The following RIMS4 variants were observed in gnomAD, a reference collection of about 807,000 sequenced individuals.
RIMS4 encodes the protein regulating synaptic membrane exocytosis 4.
Under a neutral mutation model 29.0 loss-of-function variants are expected in RIMS4, and 9 were observed. The ratio of observed to expected loss-of-function variants is 0.31; its 90% CI spans 0.19 to 0.54. The LOEUF (loss-of-function observed/expected upper bound fraction) is 0.54. Among genes scored for constraint, RIMS4 ranks in the 20% least tolerant of loss-of-function variants. The pLI, the probability that RIMS4 is intolerant of heterozygous loss-of-function variation, is 0.94. For synonymous variants in RIMS4, 130 were observed against 152.9 expected (o/e 0.85, Z 1.10); for missense variants, 193 against 365.7 (o/e 0.53, Z 3.85).
chr20:44,801,737 C>A (rs1396990919), intron 1 of RIMS4, among the ~76,000 whole-genome samples: 1 of 152,100 alleles, frequency 6.6e-6, no homozygotes, highest in South Asian at 2.1e-4. Context: ...TGAGGGCCTA[C>A]GTGTTAAACC....
chr20:44,757,471 G>A (rs2062396398), intron 4 of RIMS4, among the ~76,000 whole-genome samples, 199 bp downstream of exon 4: 2 of 152,186 alleles, frequency 1.3e-5, no homozygotes, highest in South Asian at 4.1e-4. Context: ...TCCAGTGGAG[G>A]AGAGGAACAA....
At chr20:44,779,313 A>T (rs2066173724) in intron 1 of RIMS4, among the ~76,000 whole-genome samples, 2 of 152,238 alleles carry the variant, frequency 1.3e-5, no homozygotes, top group Non-Finnish European at 2.9e-5. Flanking sequence ...GTATACCTTG[A>T]TGACTATTAC....
At position 44,773,386 on chromosome 20, in the gene RIMS4, AC is replaced by A. The variant is rs560756511; in HGVS notation, c.98-1974del. Among the ~76,000 whole-genome samples, 444 of 151,920 alleles carry A rather than the reference AC, an allele frequency of 2.9e-3. 1 individual carries two copies. Among genetic ancestry groups the A allele is most frequent in the African/African-American group, 0.01 (427 of 41,426 alleles). ...GTACAGTGACACAGAGAAAGAAAGA[AC>A]CACTCACATGCACATTCAGAAACAG... On this transcript the variant is annotated intron_variant, in intron 1 of 5. Coordinates refer to ENST00000372851, the MANE Select transcript of RIMS4 (RefSeq NM_182970.4).
At chr20:44,789,415 G>T (rs188870416) in intron 1 of RIMS4, among the ~76,000 whole-genome samples, 1 of 152,024 alleles carries the variant, frequency 6.6e-6, no homozygotes, top group Non-Finnish European at 1.5e-5. Context: ...TCCTGCCTCC[G>T]CCTCCTGAGT....
Position 44,771,389 on chromosome 20 carries a change from G to A in RIMS4, c.122C>T (p.Ala41Val). 1 of 1,613,012 alleles carries A rather than the reference G, an allele frequency of 6.2e-7. No homozygotes were observed. Among genetic ancestry groups the A allele is most frequent in the Non-Finnish European group, 8.5e-7 (1 of 1,179,448 alleles). ...GCCCGTCTCCGTGCTCCTCTGGATG[G>A]CCCCCTTCAGCCTCCGGCTGTCCCC... is the stretch of plus-strand genomic sequence containing the variant. The part of the protein sequence containing the change: ...DAGDSRRLKG[A>V]IQRSTETGLA... The change falls in exon 2 of 6, where the codon GCC becomes GTC. Residue 41 changes from alanine to valine, a missense_variant. Physicochemically the swap from Ala to Val is moderately conservative, Grantham distance 64. Coordinates refer to ENST00000372851, the MANE Select transcript of RIMS4 (RefSeq NM_182970.4).
intron 1 of RIMS4, among the ~76,000 whole-genome samples, chr20:44,777,493 A>T (rs910015438): frequency 2.6e-4 from 40 of 152,198 alleles, no homozygotes; most frequent in Admixed American, 2.4e-3. Flanking sequence ...ATAACACTGA[A>T]AGACAAGTAT....
At chr20:44,796,974 G>GT (rs2066257909) in intron 1 of RIMS4, among the ~76,000 whole-genome samples, 1 of 152,148 alleles carries the variant, frequency 6.6e-6, no homozygotes, top group Non-Finnish European at 1.5e-5. Context: ...CTAACCCCTT[G>GT]TCCTAGCCCA....
chr20:44,809,160 C>T (rs1043274904), intron 1 of RIMS4, among the ~76,000 whole-genome samples: 1 of 152,156 alleles, frequency 6.6e-6, no homozygotes, highest in Non-Finnish European at 1.5e-5. Flanking sequence ...TCAGAGGTGG[C>T]ATGACTTGCC....
At chr20:44,785,681 T>C (rs1168262484) in intron 1 of RIMS4, among the ~76,000 whole-genome samples, 4 of 151,716 alleles carry the variant, frequency 2.6e-5, no homozygotes, top group African/African-American at 7.3e-5. Flanking sequence ...AACTTTCTGC[T>C]CCTCTCTTGA....
At chr20:44,785,877 T>A (rs1043805307) in intron 1 of RIMS4, among the ~76,000 whole-genome samples, 1 of 151,792 alleles carries the variant, frequency 6.6e-6, no homozygotes, top group Non-Finnish European at 1.5e-5. Flanking sequence ...CCTGCCATGG[T>A]CCCAGGAAAG....
intron 1 of RIMS4, among the ~76,000 whole-genome samples, chr20:44,796,225 T>C (rs2066254530): frequency 6.6e-6 from 1 of 151,914 alleles, no homozygotes; most frequent in Non-Finnish European, 1.5e-5. Context: ...CCTGTACTTG[T>C]CTTATATGCC....
chr20:44,801,828 C>T (rs2066278588), intron 1 of RIMS4, among the ~76,000 whole-genome samples: 1 of 152,170 alleles, frequency 6.6e-6, no homozygotes, highest in African/African-American at 2.4e-5. Flanking sequence ...AGACCATACC[C>T]AGGACTGAAT....
At chr20:44,780,104 C>T (rs2066177514) in intron 1 of RIMS4, among the ~76,000 whole-genome samples, 2 of 152,220 alleles carry the variant, frequency 1.3e-5, no homozygotes, top group Non-Finnish European at 2.9e-5. Flanking sequence ...CTATTAACCT[C>T]TCTAAAGGTC....
rs530030836 is a variant in RIMS4 at position 44,778,614 on chromosome 20, ATGATCACAT to A, written c.98-7210_98-7202del. On this transcript the variant is annotated intron_variant, in intron 1 of 5. Coordinates refer to ENST00000372851, the MANE Select transcript of RIMS4 (RefSeq NM_182970.4). Reference sequence around the variant, plus strand: ...CAGGAGTTTGAGGCTGCAGTGAGCTATGATCACATTGCTGCACTACAGCCTGGGTGACAG... The same window carrying A: ...CAGGAGTTTGAGGCTGCAGTGAGCTATGCTGCACTACAGCCTGGGTGACAG... Among the ~76,000 whole-genome samples the A allele has an allele frequency of 4.0e-3, 615 of 152,328 alleles. 5 individuals carry two copies. The highest frequency in any genetic ancestry group is 0.023 in the South Asian group (113 of 4,822).
intron 3 of RIMS4, 53 bp downstream of exon 3, chr20:44,758,018 TG>T: frequency 7.6e-7 from 1 of 1,310,622 alleles, no homozygotes; most frequent in Non-Finnish European, 1.1e-6. Flanking sequence ...GCTGAGCTTC[TG>T]GTGTGACACC....
At chr20:44,757,356 C>T (rs1195830445) in intron 4 of RIMS4, among the ~76,000 whole-genome samples, 3 of 152,014 alleles carry the variant, frequency 2.0e-5, no homozygotes, top group Non-Finnish European at 4.4e-5. Context: ...TCTGCTGACC[C>T]CCTCACTCAC....
intron 1 of RIMS4, among the ~76,000 whole-genome samples, chr20:44,794,508 G>T (rs952190169): frequency 5.9e-5 from 9 of 152,218 alleles, no homozygotes; most frequent in African/African-American, 2.2e-4. Context: ...TGGGCTTCAA[G>T]AGTTCTTGAC....
At position 44,781,843 on chromosome 20, in the gene RIMS4, G is replaced by A. The variant is rs6103860; in HGVS notation, c.98-10430C>T. 2.1e-3 allele frequency among the ~76,000 whole-genome samples: 313 copies of A among 152,286 alleles called. 3 individuals carry two copies. Among genetic ancestry groups the A allele is most frequent in the African/African-American group, 7.2e-3 (299 of 41,552 alleles). ...GTTGTGGGCAAAAGGTAGAGTCTAT[G>A]GCCCCATATGGCACTGGGAAGCTAC... is the stretch of plus-strand genomic sequence containing the variant. On this transcript the variant is annotated intron_variant, in intron 1 of 5. Transcript: ENST00000372851.
chr20:44,801,983 C>A (rs1354592989), intron 1 of RIMS4, among the ~76,000 whole-genome samples: 3 of 152,168 alleles, frequency 2.0e-5, no homozygotes, highest in Non-Finnish European at 4.4e-5. Flanking sequence ...TCCGAATCTG[C>A]ATCACGTGGG....
Sources: gnomAD v4.1 joint callset for allele counts (sites outside exome capture counted in the v4.1 genomes callset) on GRCh38, gnomAD v4.1.1 for gene constraint, MANE v1.5 for transcripts, NCBI Gene and HGNC (gene_info 2026-07-23, HGNC 2026-07-21) for gene names.